The following UST variants were observed in gnomAD, a reference collection of about 807,000 sequenced individuals.
UST encodes uronyl 2-sulfotransferase, also known as chondroitin sulfate 2-O-sulfotransferase.
Under a neutral mutation model 45.6 loss-of-function variants are expected in UST, and 21 were observed. The observed-to-expected ratio is 0.46, with a 90% CI of 0.33 to 0.66. UST has a LOEUF of 0.66. Among genes scored for constraint, UST ranks in the 30% least tolerant of loss-of-function variants. The pLI is 0.02. For synonymous variants in UST, 215 were observed against 200.6 expected (o/e 1.07, Z -0.61); for missense variants, 463 against 512.4 (o/e 0.90, Z 0.93).
At chr6:148,892,267 T>A (rs551283117) in intron 2 of UST, among the ~76,000 whole-genome samples, 1 of 152,348 alleles carries the variant, frequency 6.6e-6, no homozygotes, top group East Asian at 1.9e-4. Flanking sequence ...CTCTGATGTT[T>A]CTGTTGTTTG....
chr6:148,882,534 C>A, intron 1 of UST, among the ~76,000 whole-genome samples: 2 of 142,288 alleles, frequency 1.4e-5, no homozygotes, highest in Admixed American at 7.1e-5. Context: ...TGTGATGTGA[C>A]ATCTGATTAT....
chr6:148,920,620 C>G (rs1381074953), intron 2 of UST, among the ~76,000 whole-genome samples: 1 of 152,180 alleles, frequency 6.6e-6, no homozygotes, highest in African/African-American at 2.4e-5. Flanking sequence ...TCTCAACCTC[C>G]TGGGCTCAAG....
At chr6:148,954,728 A>G (rs1780448907) in intron 4 of UST, among the ~76,000 whole-genome samples, 1 of 152,226 alleles carries the variant, frequency 6.6e-6, no homozygotes, top group Admixed American at 6.5e-5. Context: ...GTGACTGTAA[A>G]CCATTTGATT....
intron 5 of UST, among the ~76,000 whole-genome samples, chr6:148,984,344 G>A (rs2114984433): frequency 6.6e-6 from 1 of 152,294 alleles, no homozygotes; most frequent in South Asian, 2.1e-4. Context: ...CATAGGTCAA[G>A]GGTCCCAAGT....
chr6:148,972,678 C>T (rs937937337), intron 5 of UST, among the ~76,000 whole-genome samples: 6 of 152,244 alleles, frequency 3.9e-5, no homozygotes, highest in Non-Finnish European at 7.3e-5. Flanking sequence ...CCCCGCCCCT[C>T]GCTGTGAGTC....
chr6:149,022,613 G>A (rs1775995805), intron 7 of UST, among the ~76,000 whole-genome samples: 1 of 152,060 alleles, frequency 6.6e-6, no homozygotes, highest in Non-Finnish European at 1.5e-5. Flanking sequence ...AAAAAAGAAA[G>A]AAAGAAAGAA....
intron 2 of UST, among the ~76,000 whole-genome samples, chr6:148,940,134 C>T (rs1158678835): frequency 6.6e-6 from 1 of 151,978 alleles, no homozygotes; most frequent in East Asian, 1.9e-4. Flanking sequence ...AAATGCAAAT[C>T]GAAATCACAA....
intron 1 of UST, among the ~76,000 whole-genome samples, chr6:148,886,571 A>C (rs1382856584): frequency 6.6e-6 from 1 of 152,224 alleles, no homozygotes; most frequent in African/African-American, 2.4e-5. Context: ...CGGCAGCATC[A>C]GTATCTCTTG....
At chr6:148,935,436 ACT>A (rs566907439) in intron 2 of UST, among the ~76,000 whole-genome samples, 216 of 152,128 alleles carry the variant, frequency 1.4e-3, no homozygotes, top group African/African-American at 4.9e-3. Flanking sequence ...GAGCATTCAA[ACT>A]CTCTGTGCAA....
chr6:148,939,276 A>G (rs1040220565), intron 2 of UST, among the ~76,000 whole-genome samples: 6 of 152,212 alleles, frequency 3.9e-5, no homozygotes, highest in African/African-American at 7.2e-5. Flanking sequence ...TCGTAATCAA[A>G]TTTATCTACA....
At chr6:148,852,701 A>G (rs1328926004) in intron 1 of UST, among the ~76,000 whole-genome samples, 3 of 151,916 alleles carry the variant, frequency 2.0e-5, no homozygotes, top group African/African-American at 7.2e-5. Context: ...CTTAATTCCT[A>G]TTTATCTTTT....
At chr6:148,794,736 A>C (rs932742574) in intron 1 of UST, among the ~76,000 whole-genome samples, 30 of 152,230 alleles carry the variant, frequency 2.0e-4, no homozygotes, top group African/African-American at 7.2e-4. Flanking sequence ...CAAACTCAGA[A>C]CATTGGATGA....
At chr6:148,933,110 A>G (rs1270332632) in intron 2 of UST, among the ~76,000 whole-genome samples, 2 of 152,202 alleles carry the variant, frequency 1.3e-5, no homozygotes, top group Non-Finnish European at 2.9e-5. Flanking sequence ...ACTTCAACAT[A>G]CTTTTTCTTC....
chr6:148,796,832 T>G (rs1317102472), intron 1 of UST, among the ~76,000 whole-genome samples: 1 of 119,206 alleles, frequency 8.4e-6, no homozygotes, highest in Non-Finnish European at 1.7e-5. Context: ...AGATGGAGTC[T>G]CCCTCTGTCA....
At chr6:148,848,841 G>A (rs527408727) in intron 1 of UST, among the ~76,000 whole-genome samples, 23 of 152,182 alleles carry the variant, frequency 1.5e-4, no homozygotes, top group South Asian at 6.2e-4. Flanking sequence ...TCTTCGAGCC[G>A]GATAACCAAG....
intron 1 of UST, among the ~76,000 whole-genome samples, chr6:148,849,604 A>C (rs1168513664): frequency 6.6e-6 from 1 of 152,212 alleles, no homozygotes; most frequent in African/African-American, 2.4e-5. Context: ...GGGAGGCCTC[A>C]GAAAACTACA....
At chr6:148,838,519 G>A (rs2114768988) in intron 1 of UST, among the ~76,000 whole-genome samples, 2 of 152,174 alleles carry the variant, frequency 1.3e-5, no homozygotes, top group Admixed American at 1.3e-4. Context: ...CATCTTCCTG[G>A]GATGCTGTTG....
At chr6:149,016,807 G>A (rs1410166905) in intron 5 of UST, among the ~76,000 whole-genome samples, 3 of 152,162 alleles carry the variant, frequency 2.0e-5, no homozygotes, top group Non-Finnish European at 2.9e-5. Context: ...CTCAGCAGAT[G>A]AACACTGTCC....
chr6:148,826,483 T>G (rs1777569609), intron 1 of UST, among the ~76,000 whole-genome samples: 1 of 152,148 alleles, frequency 6.6e-6, no homozygotes, highest in Admixed American at 6.5e-5. Context: ...ATTCACTTGA[T>G]TGTCATTATA....
Sources: gnomAD v4.1 joint callset for allele counts (sites outside exome capture counted in the v4.1 genomes callset) on GRCh38, gnomAD v4.1.1 for gene constraint, MANE v1.5 for transcripts, NCBI Gene and HGNC (gene_info 2026-07-23, HGNC 2026-07-21) for gene names.